KMO: variants seen among roughly 807,000 people sequenced by gnomAD.
The protein encoded by KMO is kynurenine 3-monooxygenase, also known as kynurenine 3-hydroxylase.
A neutral mutation model predicts 57.8 loss-of-function variants in KMO; 24 were observed. That is an observed-to-expected ratio of 0.42 (90% CI 0.30 to 0.58). KMO has a LOEUF of 0.58. KMO is among the 20% of genes least tolerant of loss of function. KMO has a pLI of 0.22. For missense variants in KMO, 483 were observed against 588.2 expected (o/e 0.82, Z 1.85); for synonymous variants, 210 against 193.6 (o/e 1.08, Z -0.70).
intron 10 of KMO, among the ~76,000 whole-genome samples, 185 bp downstream of exon 10, chr1:241,568,832 C>T (rs1030838864): frequency 6.6e-6 from 1 of 151,966 alleles, no homozygotes; most frequent in African/African-American, 2.4e-5. Flanking sequence ...TTAATCAATC[C>T]AGTAATCCAT....
intron 10 of KMO, among the ~76,000 whole-genome samples, chr1:241,585,110 T>A (rs1025130688): frequency 2.0e-5 from 3 of 152,004 alleles, no homozygotes; most frequent in African/African-American, 7.2e-5. Context: ...GTTCCTGTAG[T>A]CCCAACTACT....
At chr1:241,562,943 C>T (rs530523465) in intron 7 of KMO, among the ~76,000 whole-genome samples, 9 of 76,782 alleles carry the variant, frequency 1.2e-4, no homozygotes, top group South Asian at 9.5e-4. Context: ...AGGAAGGAGA[C>T]GGGAAGGGAA....
intron 9 of KMO, among the ~76,000 whole-genome samples, chr1:241,567,444 G>A (rs1436941189): frequency 1.3e-5 from 2 of 152,050 alleles, no homozygotes; most frequent in South Asian, 2.1e-4. Context: ...CTAATGGGGG[G>A]TCCACTCCCA....
intron 1 of KMO, among the ~76,000 whole-genome samples, chr1:241,533,125 G>A (rs898616913): frequency 2.0e-5 from 3 of 152,216 alleles, no homozygotes; most frequent in Non-Finnish European, 2.9e-5. Context: ...CTAACAAGAC[G>A]GAAGGAGAGG....
Position 241,562,311 on chromosome 1 carries a change from T to C in KMO, c.594T>C (p.Thr198=), listed in dbSNP as rs555934198. The C allele has an allele frequency of 6.8e-6, 11 of 1,614,150 alleles. No individual in the cohort carries two copies. In the African/African-American group the frequency reaches 9.3e-5, roughly 14 times the overall value. ...TTCCTCATGGGTACATGGAGTTGACTATTCCACCTAAGAACGGAGATGTAA... is the reference window on the plus strand; with the variant it reads ...TTCCTCATGGGTACATGGAGTTGACCATTCCACCTAAGAACGGAGATGTAA... ...QYIPHGYMEL[T]IPPKNGDYAM... The change falls in exon 7 of 15, where the codon ACT becomes ACC. Residue 198 remains threonine (T), a synonymous_variant. Coordinates refer to ENST00000366559, the MANE Select transcript of KMO (RefSeq NM_003679.5).
chr1:241,547,882 A>G (rs955078717), intron 1 of KMO, among the ~76,000 whole-genome samples: 2 of 152,222 alleles, frequency 1.3e-5, no homozygotes, highest in African/African-American at 4.8e-5. Flanking sequence ...GCACACACAC[A>G]CAAATGTTAT....
chr1:241,548,836 C>T lies in KMO; in HGVS notation c.62C>T (p.Ser21Leu), dbSNP rs751741261. ...TTTTTTTTTAATTTCTAGGTTGGCT[C>T]ATTACAAGCATGCTTTCTTGCAAAG... is the stretch of plus-strand genomic sequence containing the variant. ...VAVIGGGLVG[S>L]LQACFLAKRN... Residue 21 changes from serine to leucine, a missense_variant, in exon 2 of 15, where the codon TCA becomes TTA. Physicochemically the swap from Ser to Leu is moderately radical, Grantham distance 145. Coordinates refer to ENST00000366559, the MANE Select transcript of KMO (RefSeq NM_003679.5). 2.0e-5 allele frequency: 31 copies of T among 1,586,194 alleles called. No individual in the cohort carries two copies. The highest frequency in any genetic ancestry group is 2.3e-5 in the Non-Finnish European group (27 of 1,155,802).
chr1:241,589,898 T>C, intron 12 of KMO, 114 bp from the exon 13 acceptor site: 2 of 820,332 alleles, frequency 2.4e-6, no homozygotes, highest in Non-Finnish European at 4.0e-6. Flanking sequence ...AAAAAATTAT[T>C]TGACTACTTT....
intron 10 of KMO, among the ~76,000 whole-genome samples, chr1:241,581,577 C>T (rs1325327651): frequency 2.0e-5 from 3 of 149,612 alleles, no homozygotes; most frequent in South Asian, 2.1e-4. Flanking sequence ...CAACTTAACC[C>T]GGATTACAAA....
intron 4 of KMO, among the ~76,000 whole-genome samples, chr1:241,552,036 C>T (rs1661417046): frequency 6.6e-6 from 1 of 152,110 alleles, no homozygotes; most frequent in East Asian, 1.9e-4. Context: ...TAGCCGCCCC[C>T]GCTTCAGAGA....
Position 241,586,659 on chromosome 1 carries a change from C to T in KMO, c.958-20C>T, listed in dbSNP as rs758281220. The T allele has an allele frequency of 1.1e-5, 17 of 1,486,288 alleles. No homozygotes were observed. The highest frequency in any genetic ancestry group is 1.5e-5 in the Non-Finnish European group (16 of 1,084,972). The allele number at this position is 1,486,288 out of a possible 1,614,324, so 92.1% of individuals were successfully genotyped here. ...TTATTATTTCTAGTTTCTTATTTCT[C>T]TTTTTTTTTCTTGTTTCAGGGCTTT... On this transcript the variant is annotated intron_variant, in intron 10 of 14. Transcript: ENST00000366559.
rs77900359 is a variant in KMO at position 241,550,360 on chromosome 1, T to C, written c.222+586T>C. ...TGAATTCTGAAACCATCAGGCCCCATGGGTTTGGATAAAGAATGGTGGGCC... is the reference window on the plus strand; with the variant it reads ...TGAATTCTGAAACCATCAGGCCCCACGGGTTTGGATAAAGAATGGTGGGCC... On this transcript the variant is annotated intron_variant, in intron 3 of 14. Transcript: ENST00000366559. Among the ~76,000 whole-genome samples the C allele has an allele frequency of 7.5e-3, 1,147 of 152,302 alleles. 19 individuals are homozygous for C. Among genetic ancestry groups the C allele is most frequent in the African/African-American group, 0.026 (1,086 of 41,570 alleles).
rs930071208 is a variant in KMO, at chr1:241,536,418, A to AGTCC, written c.54+3921_54+3924dup. 2.8e-4 allele frequency: 181 copies of AGTCC among 649,238 alleles called. 1 individual carries two copies. The highest frequency in any genetic ancestry group is 1.5e-3 in the Middle Eastern group (2 of 1,304). The allele number at this position is 649,238 out of a possible 1,614,324, so 40.2% of individuals were successfully genotyped here. A position where few individuals can be genotyped will look rare whatever the true frequency, so the allele number is the denominator to read the frequency against. ...GTGTCCTTAATCCACATCTGAATTC[A>AGTCC]GTCCTTAAGACTCAGAAAATACTGC... On this transcript the variant is annotated intron_variant, in intron 1 of 14. Transcript: ENST00000366559.
intron 1 of KMO, among the ~76,000 whole-genome samples, chr1:241,546,602 T>G (rs1030630958): frequency 6.6e-6 from 1 of 152,060 alleles, no homozygotes; most frequent in Non-Finnish European, 1.5e-5. Flanking sequence ...CTGGCAGAAC[T>G]GGGAATGGAG....
chr1:241,586,191 CTTTTTTTTTTT>C (rs386370217), intron 10 of KMO, among the ~76,000 whole-genome samples: 2 of 80,058 alleles, frequency 2.5e-5, no homozygotes, highest in African/African-American at 1.0e-4. Flanking sequence ...AGTCTATGGT[CTTTTTTTTTTT>C]TTTTTTTTTT....
chr1:241,567,966 T>A (rs1375382586), intron 9 of KMO, among the ~76,000 whole-genome samples: 1 of 152,240 alleles, frequency 6.6e-6, no homozygotes, highest in Non-Finnish European at 1.5e-5. Context: ...ATAAGCACCA[T>A]GTTGTACAAT....
intron 10 of KMO, 58 bp downstream of exon 10, chr1:241,568,705 C>G: frequency 6.6e-6 from 10 of 1,526,208 alleles, no homozygotes; most frequent in South Asian, 1.2e-5. Context: ...TCTCAGCTAA[C>G]AAGTCTTACG....
Position 241,579,271 on chromosome 1 carries a change from T to C in KMO, c.958-7408T>C, listed in dbSNP as rs780020119. On this transcript the variant is annotated intron_variant, in intron 10 of 14. Transcript: ENST00000366559. ...GTAGCAGTGGGATTTCTGCTTGCCT[T>C]ATGTTACCTAGGGGAGGTACTCTGG... is the stretch of plus-strand genomic sequence containing the variant. Among the ~76,000 whole-genome samples the C allele has an allele frequency of 4.1e-4, 63 of 152,202 alleles. 2 individuals are homozygous for C. In the Middle Eastern group the frequency reaches 0.01, roughly 25 times the overall value.
At chr1:241,564,851 A>C (rs1032577390) in intron 7 of KMO, 136 bp from the exon 8 acceptor site, 1 of 582,658 alleles carries the variant, frequency 1.7e-6, no homozygotes, top group African/African-American at 1.9e-5. Flanking sequence ...CTTCTATTTT[A>C]TGTAGCAATA....
Sources: allele counts gnomAD v4.1 joint callset (sites outside exome capture counted in the v4.1 genomes callset), GRCh38; gene constraint gnomAD v4.1.1; transcripts MANE v1.5; gene names NCBI Gene and HGNC (gene_info 2026-07-23, HGNC 2026-07-21).